Variants in PCDHA9 observed in about 807,000 individuals in gnomAD.
PCDHA9 encodes the protein protocadherin alpha 9, also known as protocadherin alpha-9.
A neutral mutation model predicts 62.0 loss-of-function variants in PCDHA9; 62 were observed. That is an observed-to-expected ratio of 1.00 (90% CI 0.81 to 1.23). PCDHA9 has a LOEUF of 1.23. Ranked by LOEUF, PCDHA9 falls within the 50% of genes most tolerant of loss-of-function variation. The pLI, the probability that PCDHA9 is intolerant of heterozygous loss-of-function variation, is 0.00. For synonymous variants in PCDHA9, 557 were observed against 567.6 expected (o/e 0.98, Z 0.27); for missense variants, 1,205 against 1,249.8 (o/e 0.96, Z 0.54).
chr5:140,968,608 T>A, intron 1 of PCDHA9: 1 of 1,614,242 alleles, frequency 6.2e-7, no homozygotes, highest in Non-Finnish European at 8.5e-7. Flanking sequence ...ACTCAGACTC[T>A]GGGCAAAATG....
intron 1 of PCDHA9, among the ~76,000 whole-genome samples, chr5:140,941,191 T>TTTTC (rs1217097209): frequency 2.1e-5 from 2 of 93,206 alleles, no homozygotes; most frequent in African/African-American, 7.9e-5. Flanking sequence ...GCTTCTTTTT[T>TTTTC]TTTCTTTCTT....
chr5:140,928,642 G>A (rs2085397273), intron 1 of PCDHA9: 2 of 1,614,114 alleles, frequency 1.2e-6, no homozygotes, highest in Non-Finnish European at 8.5e-7. Flanking sequence ...CACAAAAGTG[G>A]TAGCAGAGGA....
chr5:140,886,558 T>G (rs535461538), intron 1 of PCDHA9, among the ~76,000 whole-genome samples: 1 of 152,202 alleles, frequency 6.6e-6, no homozygotes, highest in South Asian at 2.1e-4. Flanking sequence ...CTGGGCACGG[T>G]GGCTCACGCC....
Position 140,873,721 on chromosome 5 carries a change from C to T in PCDHA9, c.2394+22832C>T, listed in dbSNP as rs556752313. On this transcript the variant is annotated intron_variant, in intron 1 of 3. Coordinates refer to ENST00000532602, the MANE Select transcript of PCDHA9 (RefSeq NM_031857.2). ...TATCACCCAGGCTGGTGTGCAGTGG[C>T]GCAATCTCAGCTCACTGCAATCTCC... Among the ~76,000 whole-genome samples, 8 of 152,254 alleles carry T rather than the reference C, an allele frequency of 5.3e-5. No individual in the cohort carries two copies. In the South Asian group the frequency reaches 1.0e-3, roughly 20 times the overall value.
intron 3 of PCDHA9, among the ~76,000 whole-genome samples, chr5:141,000,391 C>CTATATA (rs2097912428): frequency 7.1e-5 from 4 of 56,662 alleles, no homozygotes; most frequent in Non-Finnish European, 1.2e-4. Flanking sequence ...CTCTCTCTCT[C>CTATATA]TCTCTATATA....
chr5:140,970,687 CT>C (rs1464659851), intron 1 of PCDHA9, among the ~76,000 whole-genome samples: 1 of 152,078 alleles, frequency 6.6e-6, no homozygotes, highest in Non-Finnish European at 1.5e-5. Flanking sequence ...GTAGAAAGGG[CT>C]TTTAGAGCTA....
intron 1 of PCDHA9, among the ~76,000 whole-genome samples, chr5:140,905,490 T>C (rs1256863992): frequency 1.3e-5 from 2 of 152,224 alleles, no homozygotes; most frequent in African/African-American, 4.8e-5. Context: ...TTTCTTCTTT[T>C]TGTTTTGTAT....
At chr5:140,857,733 C>T (rs2044837813) in intron 1 of PCDHA9, 1 of 1,597,494 alleles carries the variant, frequency 6.3e-7, no homozygotes, top group Non-Finnish European at 8.6e-7. Flanking sequence ...GACAACGCTC[C>T]CGCGCTGCTG....
chr5:141,000,776 G>A (rs1455881211), intron 3 of PCDHA9, among the ~76,000 whole-genome samples: 1 of 151,562 alleles, frequency 6.6e-6, no homozygotes, highest in Non-Finnish European at 1.5e-5. Context: ...GCATAGTGGC[G>A]CACACCTGTA....
At chr5:140,938,907 A>T (rs2092260332) in intron 1 of PCDHA9, among the ~76,000 whole-genome samples, 1 of 152,090 alleles carries the variant, frequency 6.6e-6, no homozygotes, top group Non-Finnish European at 1.5e-5. Context: ...GCACACACAC[A>T]CACGCACAAG....
intron 3 of PCDHA9, among the ~76,000 whole-genome samples, chr5:141,005,089 A>C (rs1554259886): frequency 6.6e-6 from 1 of 152,244 alleles, no homozygotes; most frequent in Non-Finnish European, 1.5e-5. Context: ...TTAGTACTTT[A>C]CATGCATTAC....
chr5:140,867,480 G>T (rs1447452971), intron 1 of PCDHA9: 1 of 152,028 alleles, frequency 6.6e-6, no homozygotes, highest in African/African-American at 2.4e-5. Context: ...TGGGAAAAGA[G>T]TAAATATGAA....
intron 1 of PCDHA9, among the ~76,000 whole-genome samples, chr5:140,977,726 C>T (rs368776202): frequency 2.0e-5 from 3 of 152,290 alleles, no homozygotes; most frequent in African/African-American, 7.2e-5. Flanking sequence ...GATCATTTCT[C>T]TCCTGGGTGT....
chr5:140,863,195 C>T (rs782227810), intron 1 of PCDHA9: 17 of 864,950 alleles, frequency 2.0e-5, no homozygotes, highest in Admixed American at 3.7e-5. Context: ...GTGGTGGCGT[C>T]GCTGGCGGAG....
intron 1 of PCDHA9, among the ~76,000 whole-genome samples, chr5:140,916,135 T>TG (rs1178819787): frequency 6.6e-6 from 1 of 152,126 alleles, no homozygotes; most frequent in Non-Finnish European, 1.5e-5. Flanking sequence ...GCTTAAGGGC[T>TG]GTTCAGTTGT....
At chr5:140,902,331 C>A (rs1271812504) in intron 1 of PCDHA9, among the ~76,000 whole-genome samples, 1 of 151,712 alleles carries the variant, frequency 6.6e-6, no homozygotes, top group African/African-American at 2.4e-5. Flanking sequence ...ACTCACTTCG[C>A]CTGGCCTAGG....
At chr5:140,927,946 G>T (rs1341193072) in intron 1 of PCDHA9, 1 of 1,614,096 alleles carries the variant, frequency 6.2e-7, no homozygotes, top group African/African-American at 1.3e-5. Context: ...AGTACCTGAG[G>T]ACGCTGCCCC....
chr5:140,884,346 T>G (rs1487079029), intron 1 of PCDHA9: 1 of 1,613,896 alleles, frequency 6.2e-7, no homozygotes, highest in Non-Finnish European at 8.5e-7. Flanking sequence ...GAAGCGGCGC[T>G]GGTGGATGTC....
intron 1 of PCDHA9, among the ~76,000 whole-genome samples, chr5:140,892,799 G>A (rs1222453314): frequency 6.6e-6 from 1 of 152,108 alleles, no homozygotes; most frequent in African/African-American, 2.4e-5. Flanking sequence ...AGAAATTATA[G>A]TTAACCATAT....
Sources: allele counts gnomAD v4.1 joint callset (sites outside exome capture counted in the v4.1 genomes callset), GRCh38; gene constraint gnomAD v4.1.1; transcripts MANE v1.5; gene names NCBI Gene and HGNC (gene_info 2026-07-23, HGNC 2026-07-21).